ZFHX3: variants seen among roughly 807,000 people sequenced by gnomAD.
ZFHX3 encodes zinc finger homeobox 3.
Under a neutral mutation model 279.1 loss-of-function variants are expected in ZFHX3, and 42 were observed. The ratio of observed to expected loss-of-function variants is 0.15; its 90% confidence interval spans 0.12 to 0.19. The LOEUF (loss-of-function observed/expected upper bound fraction) is 0.19, where lower values mean the gene tolerates loss of function less well. ZFHX3 is among the 10% of genes least tolerant of loss of function. The probability of loss-of-function intolerance (pLI) is 1.00; values close to 1 mark genes in which losing one functional copy is unlikely to be tolerated. For synonymous variants in ZFHX3, 2,293 were observed against 1,957.8 expected (o/e 1.17, Z -4.52); for missense variants, 4,981 against 4,754.0 (o/e 1.05, Z -1.40).
At chr16:73,752,768 T>C (rs1201857114) in intron 1 of ZFHX3, among the ~76,000 whole-genome samples, 5 of 152,080 alleles carry the variant, frequency 3.3e-5, no homozygotes, top group Non-Finnish European at 5.9e-5. Flanking sequence ...CAAGGGGAAA[T>C]GAATACCAGG....
intron 3 of ZFHX3, among the ~76,000 whole-genome samples, chr16:73,418,242 G>C (rs1290725492): frequency 6.6e-6 from 1 of 152,226 alleles, no homozygotes; most frequent in East Asian, 1.9e-4. Flanking sequence ...GGGCGTGGAA[G>C]GGATTAAGGA....
intron 2 of ZFHX3, among the ~76,000 whole-genome samples, chr16:73,507,745 C>T (rs2019353233): frequency 6.6e-6 from 1 of 151,670 alleles, no homozygotes; most frequent in Non-Finnish European, 1.5e-5. Flanking sequence ...AAGCAATCCT[C>T]CCACCTTGGC....
At position 72,960,092 on chromosome 16, in the gene ZFHX3, G is replaced by A. The variant is rs552696439; in HGVS notation, c.54C>T (p.Ile18=). 1.1e-4 allele frequency: 170 copies of A among 1,609,534 alleles called. 1 individual carries two copies. In the South Asian group the frequency reaches 1.6e-3, roughly 16 times the overall value. Residue 18 remains isoleucine, a synonymous_variant, in exon 2 of 10, where the codon ATC becomes ATT. Coordinates refer to ENST00000268489, the MANE Select transcript of ZFHX3 (RefSeq NM_006885.4). ...GTTCAGTCCATTGCTGGTGCTGAGG[G>A]ATACCGCACCCATTGTCCTTCCCCG... is the stretch of plus-strand genomic sequence containing the variant. ...VVSGKDNGCG[I]PQHQQWTELN...
At chr16:73,021,996 G>A (rs959357930) in intron 1 of ZFHX3, among the ~76,000 whole-genome samples, 20 of 152,044 alleles carry the variant, frequency 1.3e-4, no homozygotes, top group Non-Finnish European at 2.5e-4. Context: ...CACCTTCTCC[G>A]AAAGCCTTTC....
In ZFHX3 at chr16:72,788,441, T is replaced by C. The variant is rs754562944; in HGVS notation, c.9835A>G (p.Met3279Val). Reference protein sequence around the residue: ...AATISAPLPTMEYAVDPAQLQ... With the variant: ...AATISAPLPTVEYAVDPAQLQ... Reference sequence around the variant, plus strand: ...TGTGCAGGGTCTACCGCATACTCCATGGTGGGCAGCGGGGCTGAGATCGTG... The same window carrying C: ...TGTGCAGGGTCTACCGCATACTCCACGGTGGGCAGCGGGGCTGAGATCGTG... Residue 3279 changes from methionine (M) to valine (V), a missense_variant, in exon 10 of 10, where the codon ATG becomes GTG. By Grantham distance (21) the Met-to-Val change is conservative. This residue lies in a region of ZFHX3 where 1,034 missense variants were observed against 786.0 expected (regional missense o/e 1.32). Transcript: ENST00000268489. 1 of 1,614,184 alleles carries C rather than the reference T, an allele frequency of 6.2e-7. No homozygotes were observed. Among genetic ancestry groups the C allele is most frequent in the African/African-American group, 1.3e-5 (1 of 75,054 alleles).
chr16:73,746,826 C>A (rs944840696), intron 1 of ZFHX3, among the ~76,000 whole-genome samples: 1 of 152,040 alleles, frequency 6.6e-6, no homozygotes, highest in African/African-American at 2.4e-5. Context: ...ATTTAATTAC[C>A]CAGAGTCTAA....
intron 8 of ZFHX3, among the ~76,000 whole-genome samples, chr16:73,072,505 G>A (rs1321069092): frequency 1.3e-5 from 2 of 150,580 alleles, no homozygotes; most frequent in Non-Finnish European, 2.9e-5. Flanking sequence ...ACCCTACTAA[G>A]ACCTAGAGGT....
At chr16:73,168,201 G>T (rs1567408087) in intron 5 of ZFHX3, among the ~76,000 whole-genome samples, 1 of 122,344 alleles carries the variant, frequency 8.2e-6, no homozygotes, top group Non-Finnish European at 1.7e-5. Context: ...TAACACTATA[G>T]TTTCTTTTGT....
At chr16:73,483,464 G>C in intron 2 of ZFHX3, 1 of 442,122 alleles carries the variant, frequency 2.3e-6, no homozygotes, top group Non-Finnish European at 4.5e-6. Flanking sequence ...TGGGGGCTGT[G>C]CTCTGCCAAT....
intron 7 of ZFHX3, among the ~76,000 whole-genome samples, chr16:73,127,793 G>A (rs1429198834): frequency 6.6e-6 from 1 of 152,212 alleles, no homozygotes; most frequent in Non-Finnish European, 1.5e-5. Context: ...GCCATATAGT[G>A]TAGTTAAGAG....
At chr16:72,876,484 C>G (rs1269126060) in intron 4 of ZFHX3, among the ~76,000 whole-genome samples, 1 of 152,196 alleles carries the variant, frequency 6.6e-6, no homozygotes, top group Non-Finnish European at 1.5e-5. Context: ...CCAACCACTT[C>G]CTCCCCACGA....
chr16:73,624,129 A>G (rs772372843), intron 2 of ZFHX3, among the ~76,000 whole-genome samples: 11 of 152,360 alleles, frequency 7.2e-5, no homozygotes, highest in Non-Finnish European at 1.5e-4. Flanking sequence ...CTCACTTTGC[A>G]CTACGCTGGA....
At chr16:73,010,939 G>A (rs1165821782) in intron 1 of ZFHX3, among the ~76,000 whole-genome samples, 3 of 152,088 alleles carry the variant, frequency 2.0e-5, no homozygotes, top group Non-Finnish European at 4.4e-5. Context: ...CGAGTAGCTA[G>A]GACTACAGGT....
intron 2 of ZFHX3, among the ~76,000 whole-genome samples, chr16:73,531,230 T>C (rs1291865426): frequency 6.6e-6 from 1 of 152,242 alleles, no homozygotes; most frequent in Non-Finnish European, 1.5e-5. Flanking sequence ...TGCCGCTAAA[T>C]ATATCCCCAG....
chr16:73,819,959 C>T (rs761359125), intron 1 of ZFHX3, among the ~76,000 whole-genome samples: 1 of 152,192 alleles, frequency 6.6e-6, no homozygotes, highest in Non-Finnish European at 1.5e-5. Context: ...TCTCATCCCA[C>T]CAACTCTTCT....
At chr16:73,350,526 G>A (rs1319782525) in intron 3 of ZFHX3, among the ~76,000 whole-genome samples, 1 of 152,176 alleles carries the variant, frequency 6.6e-6, no homozygotes, top group African/African-American at 2.4e-5. Flanking sequence ...ACTCCTGAGT[G>A]TCTCCTGGAC....
chr16:73,832,466 G>C (rs1961023795), intron 1 of ZFHX3, among the ~76,000 whole-genome samples: 1 of 152,216 alleles, frequency 6.6e-6, no homozygotes, highest in African/African-American at 2.4e-5. Context: ...ACATAAAATT[G>C]ATTTAAGAAA....
chr16:72,918,845 G>A (rs77250485), intron 3 of ZFHX3, among the ~76,000 whole-genome samples: 1,543 of 151,870 alleles, frequency 0.01, 44 homozygotes, highest in East Asian at 0.037. Flanking sequence ...ACAGGCACCC[G>A]CCACCATGCC....
Position 73,303,963 on chromosome 16 carries a change from G to GGAAA in ZFHX3, c.-1194+14276_-1194+14277insTTTC, listed in dbSNP as rs781722281. Among the ~76,000 whole-genome samples, 149 of 76,128 alleles carry GGAAA rather than the reference G, an allele frequency of 2.0e-3. 1 individual carries two copies. The highest frequency in any genetic ancestry group is 3.0e-3 in the East Asian group (9 of 3,020). 49.9% of individuals were successfully genotyped at this position (76,128 alleles called of 152,430 possible). A position where few individuals can be genotyped will look rare whatever the true frequency, so the allele number is the denominator to read the frequency against. On this transcript the variant is annotated intron_variant, in intron 4 of 17. Transcript: ENST00000641206. ...GATGGAGGTTCAAAAACCCTAGGTG[G>GGAAA]AAAAAAAAAAAAAAAAAAAAAAAAA... is the stretch of plus-strand genomic sequence containing the variant.
Sources: gnomAD v4.1 joint callset for allele counts (sites outside exome capture counted in the v4.1 genomes callset) on GRCh38, gnomAD v4.1.1 for gene constraint, gnomAD v4.1.1 regional missense constraint, MANE v1.5 for transcripts, NCBI Gene and HGNC (gene_info 2026-07-23, HGNC 2026-07-21) for gene names.